PRKN: variants seen among roughly 807,000 people sequenced by gnomAD.
PRKN encodes the protein E3 ubiquitin-protein ligase parkin.
In PRKN, 56 loss-of-function variants were observed where a neutral mutation model predicts 59.5. The ratio of observed to expected loss-of-function variants is 0.94; its 90% CI spans 0.76 to 1.18. The LOEUF is 1.18. PRKN is among the 50% of genes most tolerant of loss of function. The pLI, the probability that PRKN is intolerant of heterozygous loss-of-function variation, is 0.00. For missense variants in PRKN, 657 were observed against 596.4 expected (o/e 1.10, Z -1.06); for synonymous variants, 250 against 222.1 (o/e 1.13, Z -1.12).
intron 1 of PRKN, among the ~76,000 whole-genome samples, chr6:162,633,432 CAAAAAAAAAAAAA>C (rs531688324): frequency 4.9e-5 from 3 of 61,828 alleles, no homozygotes; most frequent in Non-Finnish European, 8.1e-5. Flanking sequence ...AAGACTGTCT[CAAAAAAAAAAAAA>C]AAAAAAAAAA....
intron 6 of PRKN, among the ~76,000 whole-genome samples, chr6:161,955,203 G>A (rs1409569025): frequency 2.0e-5 from 3 of 151,996 alleles, no homozygotes; most frequent in East Asian, 1.9e-4. Context: ...GGGCTGACTC[G>A]TGCTTTGTAA....
rs375935562 is a variant in PRKN at position 162,155,127 on chromosome 6, TTAC to T, written c.534+46001_534+46003del. Among the ~76,000 whole-genome samples the T allele has an allele frequency of 9.6e-3, 1,447 of 150,044 alleles. 15 individuals carry two copies. The highest frequency in any genetic ancestry group is 0.016 in the Non-Finnish European group (1,090 of 67,462). On this transcript the variant is annotated intron_variant, in intron 4 of 11. Transcript: ENST00000366898. The stretch of plus-strand genomic sequence containing the variant: ...CTAAAAAAAAAAACAACAAAATGAC[TTAC>T]TCAGCTGTTTCCATTGAAAAATTAC...
intron 6 of PRKN, among the ~76,000 whole-genome samples, chr6:161,922,023 A>G (rs955292521): frequency 6.6e-6 from 1 of 152,358 alleles, no homozygotes; most frequent in Admixed American, 6.5e-5. Context: ...GAATTTCTCA[A>G]AAACAACAGG....
chr6:162,269,850 A>G (rs1780297803), intron 2 of PRKN, among the ~76,000 whole-genome samples: 1 of 152,200 alleles, frequency 6.6e-6, no homozygotes, highest in African/African-American at 2.4e-5. Flanking sequence ...GAGTGGCCAT[A>G]ATAAAAAAAT....
At chr6:161,608,248 G>C (rs1222993386) in intron 7 of PRKN, among the ~76,000 whole-genome samples, 1 of 152,074 alleles carries the variant, frequency 6.6e-6, no homozygotes, top group Non-Finnish European at 1.5e-5. Context: ...AAAGTTTGGG[G>C]CTGAATTAAT....
At chr6:161,416,366 G>T (rs558678224) in intron 9 of PRKN, among the ~76,000 whole-genome samples, 4 of 152,080 alleles carry the variant, frequency 2.6e-5, no homozygotes, top group Non-Finnish European at 1.5e-5. Flanking sequence ...GCACACACTG[G>T]GGGGCAGGAA....
intron 1 of PRKN, among the ~76,000 whole-genome samples, chr6:162,514,383 G>T (rs1777757421): frequency 6.6e-6 from 1 of 152,088 alleles, no homozygotes; most frequent in Admixed American, 6.5e-5. Flanking sequence ...GTGGGGAAAG[G>T]TTAGAAAAAG....
chr6:162,706,788 C>G (rs1778354892), intron 1 of PRKN, among the ~76,000 whole-genome samples: 2 of 151,494 alleles, frequency 1.3e-5, no homozygotes, highest in African/African-American at 4.8e-5. Context: ...CTTCTATTTG[C>G]AAAACATAAA....
chr6:161,619,848 C>T (rs1023105095), intron 7 of PRKN, among the ~76,000 whole-genome samples: 8 of 151,744 alleles, frequency 5.3e-5, no homozygotes, highest in East Asian at 1.9e-4. Flanking sequence ...ATTTTTACAT[C>T]GATTACATGT....
At chr6:162,595,385 A>G (rs1329814096) in intron 1 of PRKN, among the ~76,000 whole-genome samples, 2 of 151,594 alleles carry the variant, frequency 1.3e-5, no homozygotes, top group Non-Finnish European at 2.9e-5. Context: ...CCTCCCAAGT[A>G]GCTGGGACTA....
intron 2 of PRKN, among the ~76,000 whole-genome samples, chr6:162,396,162 CT>C (rs373410891): frequency 3.9e-5 from 6 of 152,308 alleles, no homozygotes; most frequent in African/African-American, 1.2e-4. Flanking sequence ...CCTTGGAATG[CT>C]GCTGGGCCAT....
At chr6:161,534,856 C>T (rs757279426) in intron 9 of PRKN, among the ~76,000 whole-genome samples, 1 of 152,198 alleles carries the variant, frequency 6.6e-6, no homozygotes, top group Non-Finnish European at 1.5e-5. Context: ...GTGCATGTTT[C>T]TTATGAGTAC....
chr6:161,367,715 T>C (rs976877613), intron 10 of PRKN, among the ~76,000 whole-genome samples: 2 of 151,378 alleles, frequency 1.3e-5, no homozygotes, highest in African/African-American at 2.4e-5. Context: ...AGCTGCAGGG[T>C]GTTAGAGGGA....
intron 8 of PRKN, among the ~76,000 whole-genome samples, chr6:161,559,181 T>G (rs1780361606): frequency 6.6e-6 from 1 of 152,062 alleles, no homozygotes; most frequent in Non-Finnish European, 1.5e-5. Context: ...GCATCTCATC[T>G]TCTAGTAGTT....
chr6:162,322,248 G>A (rs1783060790), intron 2 of PRKN, among the ~76,000 whole-genome samples: 1 of 151,988 alleles, frequency 6.6e-6, no homozygotes, highest in African/African-American at 2.4e-5. Flanking sequence ...CAAACAGTTT[G>A]TGTGAATTGT....
intron 7 of PRKN, among the ~76,000 whole-genome samples, chr6:161,774,029 C>T (rs1465593866): frequency 6.6e-6 from 1 of 152,124 alleles, no homozygotes; most frequent in Admixed American, 6.5e-5. Context: ...CTGTTGTCTT[C>T]TCTGAAGTAG....
At chr6:162,021,102 C>CAAA (rs375989505) in intron 5 of PRKN, among the ~76,000 whole-genome samples, 22,684 of 81,960 alleles carry the variant, frequency 0.28, 4,780 homozygotes, top group Non-Finnish European at 0.35. Context: ...GACTCTGTCT[C>CAAA]AAAAAAAAAA....
rs1779839558 is a variant in PRKN at position 161,547,521 on chromosome 6, A to G, written c.1083+1333T>C. Among the ~76,000 whole-genome samples, 1 of 152,242 alleles carries G rather than the reference A, an allele frequency of 6.6e-6. No homozygotes were observed. The highest frequency in any genetic ancestry group is 1.5e-5 in the Non-Finnish European group (1 of 68,034). On this transcript the variant is annotated intron_variant, in intron 9 of 11. Coordinates refer to ENST00000366898, the MANE Select transcript of PRKN (RefSeq NM_004562.3). The surrounding 1 kb of genome is among the most constrained non-coding windows in gnomAD (Gnocchi z 4.0). ...GGGCCAGCAAAAGTCTCTACCTCCT[A>G]AGAAAAGTTAAAATCTTAAAATCCA...
At chr6:161,952,404 G>C (rs554103833) in intron 6 of PRKN, among the ~76,000 whole-genome samples, 1 of 152,250 alleles carries the variant, frequency 6.6e-6, no homozygotes, top group South Asian at 2.1e-4. Flanking sequence ...GATCATTTGA[G>C]CTCAGGAGTT....
Sources: gnomAD v4.1 joint callset for allele counts (sites outside exome capture counted in the v4.1 genomes callset) on GRCh38, gnomAD v4.1.1 for gene constraint, Gnocchi (gnomAD v3.1) non-coding constraint, MANE v1.5 for transcripts, NCBI Gene and HGNC (gene_info 2026-07-23, HGNC 2026-07-21) for gene names.